LAD1: variants seen among roughly 807,000 people sequenced by gnomAD.
The protein encoded by LAD1 is ladinin-1.
Under a neutral mutation model 54.2 loss-of-function variants are expected in LAD1, and 53 were observed. The ratio of observed to expected loss-of-function variants is 0.98; its 90% confidence interval spans 0.78 to 1.23. The LOEUF (loss-of-function observed/expected upper bound fraction) is 1.23. Ranked by LOEUF, LAD1 falls within the 50% of genes most tolerant of loss-of-function variation. The probability of loss-of-function intolerance (pLI) is 0.00; values close to 1 mark genes in which losing one functional copy is unlikely to be tolerated. For synonymous variants in LAD1, 231 were observed against 257.7 expected, an observed-to-expected ratio of 0.90 and a Z score of 0.99; for missense variants, 637 against 653.3, an observed-to-expected ratio of 0.98 and a Z score of 0.27.
intron 1 of LAD1, among the ~76,000 whole-genome samples, chr1:201,397,725 T>C (rs1224673142): frequency 6.6e-6 from 1 of 151,574 alleles, no homozygotes; most frequent in African/African-American, 2.4e-5. Context: ...ACTGACAAAC[T>C]CAAGACTCAG....
rs1661960858 is a variant in LAD1, at chr1:201,381,616, C to T, written c.*272G>A. Reference sequence around the variant, plus strand: ...ACATAGGCCCCATAGTGCTGATGTGCACTTGTGCTGTGACCTGGGCAGAGA... The same window carrying T: ...ACATAGGCCCCATAGTGCTGATGTGTACTTGTGCTGTGACCTGGGCAGAGA... On this transcript the variant is annotated 3_prime_UTR_variant, in exon 10 of 10. Transcript: ENST00000391967. 5.3e-6 allele frequency: 3 copies of T among 562,250 alleles called. No homozygotes were observed. The highest frequency in any genetic ancestry group is 3.2e-6 in the Non-Finnish European group (1 of 312,010). The allele number at this position is 562,250 out of a possible 1,614,324, so 34.8% of individuals were successfully genotyped here.
intron 5 of LAD1, 107 bp from the exon 6 acceptor site, chr1:201,383,496 A>G: frequency 9.4e-7 from 1 of 1,060,706 alleles, no homozygotes; most frequent in South Asian, 1.3e-5. Context: ...CATTGTGGCC[A>G]AGAGAATGTG....
At position 201,382,634 on chromosome 1, in the gene LAD1, T is replaced by A. The variant is rs1033665753; in HGVS notation, c.1473+19A>T. ...CACAAAGGCTCCACAGTAAGAGACA[T>A]CAGGGAGGGTGAGGATACCTGGGGG... On this transcript the variant is annotated intron_variant, in intron 8 of 9. Coordinates refer to ENST00000391967, the MANE Select transcript of LAD1 (RefSeq NM_005558.4). The A allele has an allele frequency of 1.7e-5, 27 of 1,570,196 alleles. No individual in the cohort carries two copies. Among genetic ancestry groups the A allele is most frequent in the Non-Finnish European group, 2.2e-5 (25 of 1,152,324 alleles).
intron 4 of LAD1, among the ~76,000 whole-genome samples, chr1:201,385,060 G>C (rs913553119): frequency 3.3e-5 from 5 of 152,222 alleles, no homozygotes; most frequent in Admixed American, 6.5e-5. Context: ...TGGGTCAGAA[G>C]ACTTTCTTCA....
In LAD1 at chr1:201,383,702, C is replaced by A. The variant is rs1275116237; in HGVS notation, c.1176-313G>T. ...GTCTTCCCCATCACAGCAATCGCCA[C>A]TTACCTGCTCTCCCAGCCTGCCACC... is the stretch of plus-strand genomic sequence containing the variant. On this transcript the variant is annotated intron_variant, in intron 5 of 9. Coordinates refer to ENST00000391967, the MANE Select transcript of LAD1 (RefSeq NM_005558.4). The A allele has an allele frequency of 2.7e-5, 11 of 400,844 alleles. No individual in the cohort carries two copies. The East Asian group carries it at 6.5e-4, about 24-fold the overall frequency. The allele number at this position is 400,844 out of a possible 1,614,324, so 24.8% of individuals were successfully genotyped here.
chr1:201,399,123 A>G (rs908112347), intron 1 of LAD1, 146 bp downstream of exon 1: 5 of 765,490 alleles, frequency 6.5e-6, no homozygotes, highest in African/African-American at 3.5e-5. Flanking sequence ...TTTGGCCCCA[A>G]TCCTGTCTCC....
chr1:201,390,972 T>C, intron 1 of LAD1: 1 of 374,000 alleles, frequency 2.7e-6, no homozygotes, highest in South Asian at 2.0e-5. Context: ...CTGGGATTCT[T>C]AGGTAATATC....
rs900252431 is a variant in LAD1 at position 201,386,406 on chromosome 1, G to A, written c.955C>T (p.Pro319Ser). 9.8e-6 allele frequency: 15 copies of A among 1,525,546 alleles called. No homozygotes were observed. The East Asian group carries it at 3.4e-4, about 34-fold the overall frequency. 94.5% of individuals were successfully genotyped at this position (1,525,546 alleles called of 1,614,324 possible). ...RGRALPGKNLPSLAKQGASDP... is the reference protein window; with the variant it reads ...RGRALPGKNLSSLAKQGASDP... Reference sequence around the variant, plus strand: ...GAAGCCCCCTGCTTTGCCAAAGAGGGCAGGTTCTTCCCAGGGAGGGCCCTT... The same window carrying A: ...GAAGCCCCCTGCTTTGCCAAAGAGGACAGGTTCTTCCCAGGGAGGGCCCTT... The change falls in exon 3 of 10, where the codon CCC becomes TCC. Residue 319 changes from proline to serine, a missense_variant. Physicochemically the swap from Pro to Ser is moderately conservative, Grantham distance 74. Coordinates refer to ENST00000391967, the MANE Select transcript of LAD1 (RefSeq NM_005558.4).
intron 2 of LAD1, among the ~76,000 whole-genome samples, chr1:201,387,823 T>C (rs148659467): frequency 6.6e-6 from 1 of 152,270 alleles, no homozygotes; most frequent in East Asian, 1.9e-4. Flanking sequence ...CATGAGAGGA[T>C]TGTCCATAAC....
At chr1:201,385,867 TAAACCC>T (rs1662072152) in intron 3 of LAD1, 62 bp from the exon 4 acceptor site, 2 of 1,225,742 alleles carry the variant, frequency 1.6e-6, no homozygotes, top group Admixed American at 3.4e-5. Context: ...GGGGCAGCCA[TAAACCC>T]CATGGCTCAC....
At position 201,386,905 on chromosome 1, in the gene LAD1, G is replaced by T; in HGVS notation, c.456C>A (p.Gly152=). The T allele has an allele frequency of 6.2e-7, 1 of 1,613,788 alleles. No homozygotes were observed. The highest frequency in any genetic ancestry group is 8.5e-7 in the Non-Finnish European group (1 of 1,179,990). ...PRRRLSREQR[G]PWALEEESLV... ...AGCTCTCCTCCTCCAGGGCCCAGGG[G>T]CCCCGCTGTTCCCGACTCAGTCTCC... The change falls in exon 3 of 10, where the codon GGC becomes GGA. Residue 152 remains glycine, a synonymous_variant. Coordinates refer to ENST00000391967, the MANE Select transcript of LAD1 (RefSeq NM_005558.4).
intron 4 of LAD1, 61 bp from the exon 5 acceptor site, chr1:201,384,896 G>C: frequency 6.5e-7 from 1 of 1,529,334 alleles, no homozygotes; most frequent in Non-Finnish European, 9.0e-7. Flanking sequence ...TGGCCCCCTC[G>C]AGTGAGGAGC....
chr1:201,382,571 T>C (rs1423945307), intron 8 of LAD1, 82 bp downstream of exon 8: 6 of 1,194,694 alleles, frequency 5.0e-6, no homozygotes, highest in Non-Finnish European at 7.3e-6. Flanking sequence ...TGACTCCTCC[T>C]CTCCCGACTG....
rs563329756 is a variant in LAD1, at chr1:201,386,265, G to A, written c.1026+70C>T. The stretch of plus-strand genomic sequence containing the variant: ...GCAGCCAGGGAACCAGGGACTACCT[G>A]GGTGGGACTGGCCGGCAGTGCCAGC... On this transcript the variant is annotated intron_variant, in intron 3 of 9. Transcript: ENST00000391967. The A allele has an allele frequency of 8.5e-5, 117 of 1,373,704 alleles. 2 individuals carry two copies. In the Admixed American group the frequency reaches 2.8e-3, roughly 33 times the overall value. The allele number at this position is 1,373,704 out of a possible 1,614,324, so 85.1% of individuals were successfully genotyped here. A position where few individuals can be genotyped will look rare whatever the true frequency, so the allele number is the denominator to read the frequency against.
intron 7 of LAD1, 147 bp downstream of exon 7, chr1:201,382,927 G>T: frequency 9.0e-7 from 1 of 1,106,046 alleles, no homozygotes; most frequent in Non-Finnish European, 1.3e-6. Flanking sequence ...ATGGGCTCAG[G>T]AACGTGAATG....
In LAD1 at chr1:201,381,128, A is replaced by C. The variant is rs751166442; in HGVS notation, c.*760T>G. ...AAGAGGGGGGATGAGGAAAATGATGATCCTCCTCACACACTTCAGGTGACC... is the reference window on the plus strand; with the variant it reads ...AAGAGGGGGGATGAGGAAAATGATGCTCCTCCTCACACACTTCAGGTGACC... On this transcript the variant is annotated 3_prime_UTR_variant, in exon 10 of 10. Transcript: ENST00000391967. The C allele has an allele frequency of 6.6e-6, 1 of 152,574 alleles. No individual in the cohort carries two copies. Among genetic ancestry groups the C allele is most frequent in the Non-Finnish European group, 1.5e-5 (1 of 68,172 alleles). The allele number at this position is 152,574 out of a possible 1,614,324, so 9.5% of individuals were successfully genotyped here.
At chr1:201,395,581 C>T (rs575083839) in intron 1 of LAD1, among the ~76,000 whole-genome samples, 1 of 152,152 alleles carries the variant, frequency 6.6e-6, no homozygotes, top group Non-Finnish European at 1.5e-5. Flanking sequence ...TGGTGAAACC[C>T]CATCTGTACT....
chr1:201,397,694 A>G (rs941237037), intron 1 of LAD1, among the ~76,000 whole-genome samples: 2 of 152,190 alleles, frequency 1.3e-5, no homozygotes, highest in East Asian at 1.9e-4. Flanking sequence ...TTCAATAAAC[A>G]GTTCAACTGA....
chr1:201,382,681 G>A lies in LAD1; in HGVS notation c.1445C>T (p.Thr482Ile). ...GGGGTCCTGATCTCCAGATTCCTGG[G>A]TCCTGCTGATCCACAGGTTGAGCCT... ...TSRLNLWISR[T>I]QESGDQDPQE... The change falls in exon 8 of 10, where the codon ACC becomes ATC. Residue 482 changes from threonine (T) to isoleucine (I), a missense_variant. Physicochemically the swap from Thr to Ile is moderately conservative, Grantham distance 89 (BLOSUM62 -1). Transcript: ENST00000391967. The A allele has an allele frequency of 1.2e-6, 2 of 1,607,424 alleles. No individual in the cohort carries two copies. Among genetic ancestry groups the A allele is most frequent in the Admixed American group, 1.7e-5 (1 of 59,234 alleles).
Sources: gnomAD v4.1 joint callset for allele counts (sites outside exome capture counted in the v4.1 genomes callset) on GRCh38, gnomAD v4.1.1 for gene constraint, MANE v1.5 for transcripts, NCBI Gene and HGNC (gene_info 2026-07-23, HGNC 2026-07-21) for gene names.